Variants in SORCS1 observed in about 807,000 individuals in gnomAD.
SORCS1 encodes the protein sortilin related VPS10 domain containing receptor 1, also known as VPS10 domain-containing receptor SorCS1.
A neutral mutation model predicts 146.1 loss-of-function variants in SORCS1; 60 were observed. The observed-to-expected ratio is 0.41, with a 90% CI of 0.33 to 0.51. The LOEUF (loss-of-function observed/expected upper bound fraction) is 0.51. SORCS1 is among the 20% of genes least tolerant of loss of function. The pLI is 0.21. For synonymous variants in SORCS1, 637 were observed against 584.0 expected (o/e 1.09, Z -1.31); for missense variants, 1,352 against 1,487.6 (o/e 0.91, Z 1.50).
intron 1 of SORCS1, among the ~76,000 whole-genome samples, chr10:107,104,071 T>A (rs923267159): frequency 1.3e-5 from 2 of 152,216 alleles, no homozygotes; most frequent in African/African-American, 4.8e-5. Flanking sequence ...ACAAAGAGAA[T>A]GTACTGCCGG....
chr10:106,655,924 C>A (rs1307018594), intron 17 of SORCS1, among the ~76,000 whole-genome samples: 1 of 152,152 alleles, frequency 6.6e-6, no homozygotes, highest in Non-Finnish European at 1.5e-5. Flanking sequence ...GCTGCTACCT[C>A]CGTAATAACA....
At chr10:106,764,880 G>A (rs1389408331) in intron 4 of SORCS1, among the ~76,000 whole-genome samples, 4 of 151,984 alleles carry the variant, frequency 2.6e-5, no homozygotes, top group South Asian at 2.1e-4. Flanking sequence ...AAAATTAGCT[G>A]GGCGTGGTGG....
chr10:106,916,575 T>TATATAC (rs370054736), intron 2 of SORCS1, among the ~76,000 whole-genome samples: 1 of 142,838 alleles, frequency 7.0e-6, no homozygotes, highest in African/African-American at 2.6e-5. Context: ...TGCATATATA[T>TATATAC]ACACACACAC....
chr10:107,097,578 C>A (rs1472307879), intron 1 of SORCS1, among the ~76,000 whole-genome samples: 1 of 152,126 alleles, frequency 6.6e-6, no homozygotes. Context: ...CCATCCCACT[C>A]CACCCCTAGC....
chr10:107,034,754 C>T (rs1958823529), intron 1 of SORCS1, among the ~76,000 whole-genome samples: 1 of 134,948 alleles, frequency 7.4e-6, no homozygotes, highest in Non-Finnish European at 1.6e-5. Flanking sequence ...CCATCTAAAA[C>T]CTAAAGAATG....
At chr10:106,915,799 C>A (rs1038286562) in intron 2 of SORCS1, among the ~76,000 whole-genome samples, 2 of 152,152 alleles carry the variant, frequency 1.3e-5, no homozygotes, top group African/African-American at 4.8e-5. Context: ...TTGTTGCACT[C>A]CCAGAGTGTT....
At chr10:106,735,683 C>T (rs1856899636) in intron 5 of SORCS1, among the ~76,000 whole-genome samples, 1 of 152,082 alleles carries the variant, frequency 6.6e-6, no homozygotes, top group Non-Finnish European at 1.5e-5. Flanking sequence ...CCAGTGTTTC[C>T]AAAGTAGATT....
At chr10:107,069,677 A>C (rs903981166) in intron 1 of SORCS1, among the ~76,000 whole-genome samples, 10 of 152,166 alleles carry the variant, frequency 6.6e-5, no homozygotes, top group Non-Finnish European at 2.9e-5. Context: ...CGCCTGGCCC[A>C]TGTGCCTATT....
At chr10:106,873,033 G>T (rs527858207) in intron 2 of SORCS1, among the ~76,000 whole-genome samples, 2 of 152,230 alleles carry the variant, frequency 1.3e-5, no homozygotes, top group Non-Finnish European at 2.9e-5. Context: ...AATTAGCCAG[G>T]CGTGGTGGCA....
At chr10:107,058,982 C>T (rs956037934) in intron 1 of SORCS1, among the ~76,000 whole-genome samples, 3 of 152,094 alleles carry the variant, frequency 2.0e-5, no homozygotes, top group Admixed American at 1.3e-4. Flanking sequence ...TTGCTAATAG[C>T]GCTGCACCGG....
At chr10:106,732,129 T>C (rs1372003922) in intron 5 of SORCS1, among the ~76,000 whole-genome samples, 1 of 152,214 alleles carries the variant, frequency 6.6e-6, no homozygotes, top group Non-Finnish European at 1.5e-5. Flanking sequence ...TCGCTGTCAA[T>C]AAGTTTTCTC....
chr10:107,071,087 C>T (rs1258085947), intron 1 of SORCS1, among the ~76,000 whole-genome samples: 1 of 152,126 alleles, frequency 6.6e-6, no homozygotes, highest in Non-Finnish European at 1.5e-5. Flanking sequence ...ACGACAGTGA[C>T]CGGCAGGAGT....
chr10:106,932,003 A>G (rs1537919), intron 2 of SORCS1, among the ~76,000 whole-genome samples: 124,877 of 152,066 alleles, frequency 0.82, 52,535 homozygotes, highest in Middle Eastern at 0.95. Context: ...ATATTCACAG[A>G]CTTGAATGCT....
In SORCS1 at chr10:107,090,943, C is replaced by T. The variant is rs527934215; in HGVS notation, c.558+73026G>A. Among the ~76,000 whole-genome samples the T allele has an allele frequency of 2.5e-3, 374 of 149,080 alleles. 1 individual carries two copies. Among genetic ancestry groups the T allele is most frequent in the Middle Eastern group, 0.014 (4 of 280 alleles). On this transcript the variant is annotated intron_variant, in intron 1 of 25. Coordinates refer to ENST00000263054, the MANE Select transcript of SORCS1 (RefSeq NM_052918.5). ...GTACACACACACACACACACACACA[C>T]GTACACACACAATTGGTGAGTGAAA...
At chr10:106,984,135 A>G (rs1956352284) in intron 1 of SORCS1, among the ~76,000 whole-genome samples, 1 of 152,222 alleles carries the variant, frequency 6.6e-6, no homozygotes, top group Admixed American at 6.5e-5. Context: ...TATTTTAGTC[A>G]ATTATAAAAG....
chr10:107,034,331 G>A (rs922096555), intron 1 of SORCS1, among the ~76,000 whole-genome samples: 3 of 152,144 alleles, frequency 2.0e-5, no homozygotes, highest in South Asian at 2.1e-4. Context: ...GGAAGTGTGC[G>A]TGAGAGGCAT....
chr10:107,124,768 TA>T (rs1319230471), intron 1 of SORCS1, among the ~76,000 whole-genome samples: 2 of 151,962 alleles, frequency 1.3e-5, no homozygotes, highest in African/African-American at 4.8e-5. Flanking sequence ...CCAAACCTGA[TA>T]AAAAAGCAAC....
At chr10:106,634,026 T>C (rs939568058) in intron 18 of SORCS1, among the ~76,000 whole-genome samples, 1 of 152,200 alleles carries the variant, frequency 6.6e-6, no homozygotes, top group African/African-American at 2.4e-5. Context: ...TCTTATCTGA[T>C]TTTAATATGA....
chr10:106,864,428 T>C (rs1319620355), intron 2 of SORCS1, among the ~76,000 whole-genome samples: 1 of 152,130 alleles, frequency 6.6e-6, no homozygotes, highest in Non-Finnish European at 1.5e-5. Flanking sequence ...CCATGGCCTT[T>C]AGTCTAACAC....
Sources: allele counts gnomAD v4.1 joint callset (sites outside exome capture counted in the v4.1 genomes callset), GRCh38; gene constraint gnomAD v4.1.1; transcripts MANE v1.5; gene names NCBI Gene and HGNC (gene_info 2026-07-23, HGNC 2026-07-21).